The following NALF1 variants were observed in gnomAD, a reference collection of about 807,000 sequenced individuals.
NALF1 encodes the protein family with sequence similarity 155 member A.
A neutral mutation model predicts 48.4 loss-of-function variants in NALF1; 3 were observed. The observed-to-expected ratio is 0.06, with a 90% confidence interval of 0.03 to 0.16. NALF1 has a LOEUF of 0.16. Ranked by LOEUF, NALF1 falls within the 10% of genes least tolerant of loss-of-function variation. The pLI is 1.00. For synonymous variants in NALF1, 262 were observed against 245.7 expected, an observed-to-expected ratio of 1.07 and a Z score of -0.62; for missense variants, 526 against 571.5, an observed-to-expected ratio of 0.92 and a Z score of 0.81.
At chr13:107,736,776 T>C (rs923032670) in intron 1 of NALF1, among the ~76,000 whole-genome samples, 2 of 152,172 alleles carry the variant, frequency 1.3e-5, no homozygotes, top group Non-Finnish European at 2.9e-5. Context: ...TTGGGGTGTA[T>C]AGAGGCACTG....
At chr13:107,498,386 G>T (rs531756191) in intron 1 of NALF1, among the ~76,000 whole-genome samples, 1 of 152,238 alleles carries the variant, frequency 6.6e-6, no homozygotes, top group African/African-American at 2.4e-5. Context: ...TTTATGTTGG[G>T]GAAAATAAGA....
intron 1 of NALF1, among the ~76,000 whole-genome samples, chr13:107,584,159 T>C (rs1878388515): frequency 6.6e-6 from 1 of 152,168 alleles, no homozygotes; most frequent in African/African-American, 2.4e-5. Flanking sequence ...CTGTGAAATA[T>C]GCATTTTCTG....
intron 1 of NALF1, among the ~76,000 whole-genome samples, chr13:107,513,895 T>A (rs1179226028): frequency 1.3e-5 from 2 of 152,188 alleles, no homozygotes; most frequent in Non-Finnish European, 2.9e-5. Flanking sequence ...AGACAAAAGG[T>A]ATCCATCCCT....
intron 1 of NALF1, among the ~76,000 whole-genome samples, chr13:107,274,322 T>C (rs985613759): frequency 1.3e-5 from 2 of 152,062 alleles, no homozygotes; most frequent in Non-Finnish European, 1.5e-5. Context: ...TGTAATCTCA[T>C]TGCTTTGGGA....
intron 1 of NALF1, among the ~76,000 whole-genome samples, chr13:107,265,471 G>A (rs745421916): frequency 2.2e-4 from 34 of 152,102 alleles, no homozygotes; most frequent in Admixed American, 6.6e-5. Context: ...CCAGGCTGGA[G>A]TGCAGTGGCT....
At chr13:107,514,189 T>C (rs1173727297) in intron 1 of NALF1, among the ~76,000 whole-genome samples, 5 of 152,234 alleles carry the variant, frequency 3.3e-5, no homozygotes, top group African/African-American at 7.2e-5. Context: ...TTCCCATGTA[T>C]AGGTGAAATG....
intron 1 of NALF1, among the ~76,000 whole-genome samples, chr13:107,690,872 G>A (rs1881552803): frequency 6.6e-6 from 1 of 152,176 alleles, no homozygotes; most frequent in Admixed American, 6.5e-5. Flanking sequence ...CAATAATAGA[G>A]TTCACCCATG....
intron 1 of NALF1, among the ~76,000 whole-genome samples, chr13:107,864,462 C>CTGG (rs1488349489): frequency 6.6e-6 from 1 of 152,186 alleles, no homozygotes; most frequent in Non-Finnish European, 1.5e-5. Flanking sequence ...ATCTATACCA[C>CTGG]CCTTGACTTT....
intron 1 of NALF1, among the ~76,000 whole-genome samples, chr13:107,668,006 G>C (rs1880903494): frequency 6.6e-6 from 1 of 152,004 alleles, no homozygotes; most frequent in African/African-American, 2.4e-5. Flanking sequence ...AAAAATATGT[G>C]TCCATGTGGA....
intron 1 of NALF1, among the ~76,000 whole-genome samples, chr13:107,705,773 C>T (rs1357172434): frequency 6.6e-6 from 1 of 151,920 alleles, no homozygotes; most frequent in Non-Finnish European, 1.5e-5. Flanking sequence ...TTATGCCTTT[C>T]AGCATAGAAA....
intron 1 of NALF1, among the ~76,000 whole-genome samples, chr13:107,808,436 T>G (rs1443060859): frequency 6.6e-6 from 1 of 152,170 alleles, no homozygotes; most frequent in Non-Finnish European, 1.5e-5. Flanking sequence ...AGATTTGTCC[T>G]ACTTTTGGCT....
At chr13:107,460,225 C>T (rs978995213) in intron 1 of NALF1, among the ~76,000 whole-genome samples, 5 of 152,122 alleles carry the variant, frequency 3.3e-5, no homozygotes, top group Non-Finnish European at 7.3e-5. Context: ...AGCAAGAAGC[C>T]CAGACACCTC....
At chr13:107,822,820 G>C (rs1879397042) in intron 1 of NALF1, among the ~76,000 whole-genome samples, 1 of 152,150 alleles carries the variant, frequency 6.6e-6, no homozygotes, top group African/African-American at 2.4e-5. Context: ...AAAGAACAAG[G>C]AAAAATTTAG....
intron 1 of NALF1, among the ~76,000 whole-genome samples, chr13:107,385,719 T>A (rs1434349331): frequency 6.6e-6 from 1 of 152,226 alleles, no homozygotes; most frequent in Non-Finnish European, 1.5e-5. Context: ...TTTTGTTCAA[T>A]AGTTTGCAAT....
chr13:107,567,402 T>G (rs984798538), intron 1 of NALF1, among the ~76,000 whole-genome samples: 1 of 152,254 alleles, frequency 6.6e-6, no homozygotes. Context: ...CAGAAATTAA[T>G]TAGACATTAA....
chr13:107,435,964 C>G (rs1190317017), intron 1 of NALF1, among the ~76,000 whole-genome samples: 3 of 152,124 alleles, frequency 2.0e-5, no homozygotes, highest in Non-Finnish European at 4.4e-5. Context: ...CAGCCCAACA[C>G]TGTTGAGAAA....
chr13:107,742,259 T>G (rs1433399238), intron 1 of NALF1, among the ~76,000 whole-genome samples: 1 of 152,222 alleles, frequency 6.6e-6, no homozygotes, highest in Non-Finnish European at 1.5e-5. Flanking sequence ...AGGTCTCATC[T>G]AAAACATCAT....
intron 1 of NALF1, among the ~76,000 whole-genome samples, chr13:107,292,926 C>A (rs1173698190): frequency 1.3e-5 from 2 of 151,776 alleles, no homozygotes; most frequent in African/African-American, 4.8e-5. Context: ...TGTGCTACAA[C>A]ATTACAATGG....
At chr13:107,762,664 C>T (rs999979224) in intron 1 of NALF1, among the ~76,000 whole-genome samples, 2 of 151,928 alleles carry the variant, frequency 1.3e-5, no homozygotes, top group South Asian at 2.1e-4. Flanking sequence ...GGTGGTTGCA[C>T]GGGCTGGAGG....
Sources: gnomAD v4.1 joint callset for allele counts (sites outside exome capture counted in the v4.1 genomes callset) on GRCh38, gnomAD v4.1.1 for gene constraint, MANE v1.5 for transcripts, NCBI Gene and HGNC (gene_info 2026-07-23, HGNC 2026-07-21) for gene names.